The following AK5 variants were observed in gnomAD, a reference collection of about 807,000 sequenced individuals.
AK5 encodes the protein adenylate kinase 5, also known as adenylate kinase isoenzyme 5.
A neutral mutation model predicts 69.5 loss-of-function variants in AK5; 27 were observed. The ratio of observed to expected loss-of-function variants is 0.39; its 90% CI spans 0.29 to 0.54. The LOEUF is 0.54. Among genes scored for constraint, AK5 ranks in the 20% least tolerant of loss-of-function variants. The pLI is 0.71. For synonymous variants in AK5, 260 were observed against 244.4 expected, an observed-to-expected ratio of 1.06 and a Z score of -0.60; for missense variants, 531 against 700.4, an observed-to-expected ratio of 0.76 and a Z score of 2.73.
chr1:77,340,301 G>A, intron 5 of AK5, 76 bp from the exon 6 acceptor site: 1 of 1,406,778 alleles, frequency 7.1e-7, no homozygotes, highest in South Asian at 1.3e-5. Flanking sequence ...CAGAACAAAA[G>A]GAAATGAATG....
chr1:77,373,368 T>C (rs975359651), intron 6 of AK5, among the ~76,000 whole-genome samples: 1 of 152,186 alleles, frequency 6.6e-6, no homozygotes, highest in African/African-American at 2.4e-5. Flanking sequence ...TAATCCCCAA[T>C]TGCTTACATA....
At chr1:77,503,625 G>A (rs1044465301) in intron 10 of AK5, among the ~76,000 whole-genome samples, 13 of 152,090 alleles carry the variant, frequency 8.5e-5, no homozygotes, top group African/African-American at 2.9e-4. Flanking sequence ...GTGGAGGCCG[G>A]GCACAGTGGC....
intron 10 of AK5, among the ~76,000 whole-genome samples, chr1:77,509,661 T>G (rs1488747473): frequency 6.6e-6 from 1 of 152,188 alleles, no homozygotes; most frequent in East Asian, 1.9e-4. Context: ...AATATGAAGA[T>G]TAGAAATAAG....
chr1:77,443,575 C>T (rs1011150827), intron 8 of AK5, among the ~76,000 whole-genome samples: 3 of 151,814 alleles, frequency 2.0e-5, no homozygotes, highest in Admixed American at 6.6e-5. Flanking sequence ...TCTTTTGTGT[C>T]CACTGCACTG....
At chr1:77,324,699 G>GAA (rs11384873) in intron 5 of AK5, among the ~76,000 whole-genome samples, 98 of 145,750 alleles carry the variant, frequency 6.7e-4, no homozygotes, top group Non-Finnish European at 7.4e-4. Flanking sequence ...TCTTTATAGG[G>GAA]AAAAAAAAAA....
At chr1:77,414,115 T>C (rs1309943401) in intron 7 of AK5, among the ~76,000 whole-genome samples, 1 of 152,194 alleles carries the variant, frequency 6.6e-6, no homozygotes, top group African/African-American at 2.4e-5. Flanking sequence ...AAAGTGGAAG[T>C]GTCCTTTCAT....
chr1:77,383,396 C>T (rs1647786902), intron 6 of AK5, among the ~76,000 whole-genome samples: 1 of 151,996 alleles, frequency 6.6e-6, no homozygotes, highest in Non-Finnish European at 1.5e-5. Context: ...TTACCATTTG[C>T]AAACCATTTA....
At chr1:77,393,259 G>A (rs964385021) in intron 6 of AK5, among the ~76,000 whole-genome samples, 2 of 152,116 alleles carry the variant, frequency 1.3e-5, no homozygotes, top group Admixed American at 1.3e-4. Context: ...CTAGTTGTCA[G>A]GGCATAATTT....
Position 77,470,347 on chromosome 1 carries a change from A to G in AK5, c.1060-12970A>G, listed in dbSNP as rs552859907. ...TAGCAAAATCCTGTCTCCACAAAAA[A>G]TACAAAAATTAGCCAGGCATGGTGG... On this transcript the variant is annotated intron_variant, in intron 8 of 13. Coordinates refer to ENST00000354567, the MANE Select transcript of AK5 (RefSeq NM_174858.3). Among the ~76,000 whole-genome samples the G allele has an allele frequency of 4.6e-5, 7 of 152,258 alleles. No homozygotes were observed. In the South Asian group the frequency reaches 1.2e-3, roughly 27 times the overall value.
chr1:77,527,626 A>C (rs898632267), intron 12 of AK5, among the ~76,000 whole-genome samples: 2 of 152,246 alleles, frequency 1.3e-5, no homozygotes, highest in African/African-American at 4.8e-5. Context: ...GATTTCTTAC[A>C]TACTGCTAGG....
At chr1:77,310,086 T>A (rs1317193539) in intron 5 of AK5, among the ~76,000 whole-genome samples, 1 of 152,168 alleles carries the variant, frequency 6.6e-6, no homozygotes, top group Non-Finnish European at 1.5e-5. Context: ...AGGTATTTAT[T>A]CTATGTGCAC....
chr1:77,365,359 G>A (rs1646932110), intron 6 of AK5, among the ~76,000 whole-genome samples: 1 of 152,186 alleles, frequency 6.6e-6, no homozygotes, highest in Admixed American at 6.5e-5. Context: ...CACCTGGGCT[G>A]AAGTGCAGTG....
chr1:77,436,772 A>G lies in AK5; in HGVS notation c.1059+19057A>G, dbSNP rs193249197. Among the ~76,000 whole-genome samples, 15 of 152,192 alleles carry G rather than the reference A, an allele frequency of 9.9e-5. No individual in the cohort carries two copies. The East Asian group carries it at 2.3e-3, about 23-fold the overall frequency. Reference sequence around the variant, plus strand: ...AACTATATTACTTATGAAAACTAAGATATTAGACAAGGCTAGTAATTATTT... The same window carrying G: ...AACTATATTACTTATGAAAACTAAGGTATTAGACAAGGCTAGTAATTATTT... On this transcript the variant is annotated intron_variant, in intron 8 of 13. Transcript: ENST00000354567.
At chr1:77,374,197 A>G (rs1345906052) in intron 6 of AK5, among the ~76,000 whole-genome samples, 1 of 152,184 alleles carries the variant, frequency 6.6e-6, no homozygotes, top group Non-Finnish European at 1.5e-5. Flanking sequence ...CACCATTCTC[A>G]ATACTGTCTC....
intron 8 of AK5, among the ~76,000 whole-genome samples, chr1:77,483,023 A>T (rs1655362918): frequency 1.8e-5 from 2 of 110,852 alleles, no homozygotes; most frequent in African/African-American, 7.0e-5. Context: ...AAAAAAAAAA[A>T]AAAAAAAAAA....
intron 10 of AK5, among the ~76,000 whole-genome samples, chr1:77,503,339 T>C (rs1041832873): frequency 7.4e-6 from 1 of 135,624 alleles, no homozygotes; most frequent in South Asian, 3.0e-4. Flanking sequence ...AAATTAGATA[T>C]GATAAACCTA....
At chr1:77,498,466 G>A (rs1656492283) in intron 10 of AK5, among the ~76,000 whole-genome samples, 1 of 152,194 alleles carries the variant, frequency 6.6e-6, no homozygotes, top group East Asian at 1.9e-4. Context: ...AGGCATTACA[G>A]GCTCTAGTCA....
chr1:77,402,957 G>A (rs1271890492), intron 6 of AK5, among the ~76,000 whole-genome samples: 1 of 152,032 alleles, frequency 6.6e-6, no homozygotes, highest in Non-Finnish European at 1.5e-5. Flanking sequence ...TCCAGCACCT[G>A]TTGTTTCCTG....
chr1:77,531,905 C>A lies in AK5; in HGVS notation c.1429-3942C>A, dbSNP rs2803171. ...GGGCTGCAGGTCCCGAGCCCTGCCC[C>A]GCGGGGAGGCAGCTAAGGCCCGGCG... On this transcript the variant is annotated intron_variant, in intron 12 of 13. Coordinates refer to ENST00000354567, the MANE Select transcript of AK5 (RefSeq NM_174858.3). 2.6e-5 allele frequency among the ~76,000 whole-genome samples: 4 copies of A among 151,610 alleles called. No individual in the cohort carries two copies. The South Asian group carries it at 8.3e-4, about 32-fold the overall frequency.
Sources: gnomAD v4.1 joint callset for allele counts (sites outside exome capture counted in the v4.1 genomes callset) on GRCh38, gnomAD v4.1.1 for gene constraint, MANE v1.5 for transcripts, NCBI Gene and HGNC (gene_info 2026-07-23, HGNC 2026-07-21) for gene names.